The following AVPR2 variants were observed in gnomAD, a reference collection of about 807,000 sequenced individuals.
The protein encoded by AVPR2 is arginine vasopressin receptor 2, also known as vasopressin V2 receptor.
A neutral mutation model predicts 12.0 loss-of-function variants in AVPR2; 3 were observed. The ratio of observed to expected loss-of-function variants is 0.25; its 90% confidence interval spans 0.11 to 0.64. AVPR2 has a LOEUF of 0.64. Ranked by LOEUF, AVPR2 falls within the 30% of genes least tolerant of loss-of-function variation. The pLI is 0.84. For missense variants in AVPR2, 279 were observed against 347.9 expected, an observed-to-expected ratio of 0.80 and a Z score of 1.58; for synonymous variants, 143 against 147.5, an observed-to-expected ratio of 0.97 and a Z score of 0.22.
In AVPR2 at chrX:153,906,347, G is replaced by GCC; in HGVS notation, c.841_842insCC (p.Val281AlafsTer156). ...GACGCTAGTGATTGTGGTCGTCTATGTGCTGTGCTGGGCACCCTTCTTCCT... is the reference window on the plus strand; with the variant it reads ...GACGCTAGTGATTGTGGTCGTCTATGCCTGCTGTGCTGGGCACCCTTCTTCCT... On this transcript the variant is annotated frameshift_variant, in exon 3 of 4. Coordinates refer to ENST00000646375, the MANE Select transcript of AVPR2 (RefSeq NM_000054.7). LOFTEE classifies it high-confidence loss of function. 8.2e-7 allele frequency: 1 copy of GCC among 1,212,124 alleles called. No individual in the cohort carries two copies. Among genetic ancestry groups the GCC allele is most frequent in the Non-Finnish European group, 1.1e-6 (1 of 895,564 alleles).
Position 153,906,808 on chromosome X carries a change from A to AG in AVPR2, c.*85dup. ...GGGGCTGGTCCTGGGAGCCACTGGG[A>AG]GGGGGACCCGTGGAGAATTGGCCAG... On this transcript the variant is annotated 3_prime_UTR_variant, in exon 4 of 4. Transcript: ENST00000646375. 2.0e-6 allele frequency: 2 copies of AG among 1,006,326 alleles called. No individual in the cohort carries two copies. The highest frequency in any genetic ancestry group is 2.8e-6 in the Non-Finnish European group (2 of 724,876). The allele number at this position is 1,006,326 out of a possible 1,213,427, so 82.9% of individuals were successfully genotyped here.
rs1557101340 is a variant in AVPR2 at position 153,907,127 on chromosome X, T to C, written c.*399T>C. 1 of 365,904 alleles carries C rather than the reference T, an allele frequency of 2.7e-6. No individual in the cohort carries two copies. Among genetic ancestry groups the C allele is most frequent in the Admixed American group, 3.0e-5 (1 of 33,368 alleles). 30.2% of individuals were successfully genotyped at this position (365,904 alleles called of 1,213,427 possible). A position where few individuals can be genotyped will look rare whatever the true frequency, so the allele number is the denominator to read the frequency against. On this transcript the variant is annotated 3_prime_UTR_variant, in exon 4 of 4. Coordinates refer to ENST00000646375, the MANE Select transcript of AVPR2 (RefSeq NM_000054.7). ...CTCCGCCTTTCTAATCCCTCCCTCC[T>C]CATTCTCTCCCTAATAAAAATTGGA...
At chrX:153,905,270 T>C in intron 2 of AVPR2, 100 bp downstream of exon 2, 1 of 1,118,080 alleles carries the variant, frequency 8.9e-7, no homozygotes, top group Non-Finnish European at 1.2e-6. Flanking sequence ...CCTCTGGGTG[T>C]GTCTCTCCAG....
chrX:153,903,596 T>C (rs919188923), upstream of AVPR2, among the ~76,000 whole-genome samples: 5 of 110,699 alleles, frequency 4.5e-5, no homozygotes, highest in African/African-American at 1.7e-4. Flanking sequence ...TGCATGTATG[T>C]ATGTGGTGTG....
At chrX:153,905,317 T>A in intron 2 of AVPR2, 147 bp downstream of exon 2, 1 of 958,116 alleles carries the variant, frequency 1.0e-6, no homozygotes. Context: ...CAGCCCCACT[T>A]CCCCGCCAGG....
At position 153,906,274 on chromosome X, in the gene AVPR2, C is replaced by T. The variant is rs372274460; in HGVS notation, c.768C>T (p.Pro256=). 87 of 1,211,009 alleles carry T rather than the reference C, an allele frequency of 7.2e-5. No homozygotes were observed. In the African/African-American group the frequency reaches 9.0e-4, roughly 13 times the overall value. ...GCAGGGGACGCCGGACAGGCAGCCC[C>T]GGTGAGGGAGCCCACGTGTCAGCAG... ...GRRRGRRTGS[P]GEGAHVSAAV... Residue 256 remains proline (P), a synonymous_variant, in exon 3 of 4, where the codon CCC becomes CCT. Coordinates refer to ENST00000646375, the MANE Select transcript of AVPR2 (RefSeq NM_000054.7).
At position 153,905,403 on chromosome X, in the gene AVPR2, A is replaced by T; in HGVS notation, c.26-129A>T. ...GCCTGGGGTGTGTATCCCTCATAACATGGCTTTCCTGGAGTCCCCTCTGCT... is the reference window on the plus strand; with the variant it reads ...GCCTGGGGTGTGTATCCCTCATAACTTGGCTTTCCTGGAGTCCCCTCTGCT... On this transcript the variant is annotated intron_variant, in intron 2 of 3. Transcript: ENST00000646375. 6 of 846,705 alleles carry T rather than the reference A, an allele frequency of 7.1e-6. No individual in the cohort carries two copies. The South Asian group carries it at 1.3e-4, about 19-fold the overall frequency. The allele number at this position is 846,705 out of a possible 1,213,427, so 69.8% of individuals were successfully genotyped here.
upstream of AVPR2, among the ~76,000 whole-genome samples, chrX:153,903,209 G>A (rs1337169573): frequency 3.5e-5 from 4 of 113,032 alleles, no homozygotes; most frequent in Non-Finnish European, 7.5e-5. Flanking sequence ...CCTTTTCTAT[G>A]CTCCTAGATT....
intron 2 of AVPR2, 84 bp downstream of exon 2, chrX:153,905,254 C>T (rs1403402760): frequency 1.7e-6 from 2 of 1,158,502 alleles, no homozygotes; most frequent in Non-Finnish European, 1.2e-6. Context: ...ACCTCCTTCA[C>T]CCTCACCTCT....
Position 153,906,230 on chromosome X carries a change from G to A in AVPR2, c.724G>A (p.Glu242Lys), listed in dbSNP as rs2064964980. 8.3e-7 allele frequency: 1 copy of A among 1,211,230 alleles called. No homozygotes were observed. The change falls in exon 3 of 4, where the codon GAG becomes AAG. Residue 242 changes from glutamate to lysine, a missense_variant. Transcript: ENST00000646375. ...IHASLVPGPS[E>K]RPGGRRRGRR... Reference sequence around the variant, plus strand: ...TGCCAGTCTGGTGCCAGGGCCATCAGAGAGGCCTGGGGGGCGCCGCAGGGG... The same window carrying A: ...TGCCAGTCTGGTGCCAGGGCCATCAAAGAGGCCTGGGGGGCGCCGCAGGGG...
At chrX:153,903,326 A>G (rs2064942659), upstream of AVPR2, among the ~76,000 whole-genome samples, 1 of 70,445 alleles carries the variant, frequency 1.4e-5, no homozygotes, top group South Asian at 6.3e-4. Context: ...CCTGCCCCCA[A>G]GGGGCTCTGC....
chrX:153,904,953 C>T (rs781987761), intron 1 of AVPR2, 21 bp from the exon 2 acceptor site: 4 of 553,928 alleles, frequency 7.2e-6, no homozygotes, highest in Non-Finnish European at 1.2e-5. Flanking sequence ...CTGACCATCC[C>T]TCTCAATCTT....
In AVPR2 at chrX:153,906,718, C is replaced by T; in HGVS notation, c.1106C>T (p.Thr369Ile). ...TTASSSLAKD[T>I]SS ...GCCAGCTCCTCCCTGGCCAAGGACA[C>T]TTCATCGTGAGGAGCTGTTGGGTGT... Residue 369 changes from threonine (T) to isoleucine (I), a missense_variant, in exon 4 of 4, where the codon ACT becomes ATT. Physicochemically the swap from Thr to Ile is moderately conservative, Grantham distance 89. Coordinates refer to ENST00000646375, the MANE Select transcript of AVPR2 (RefSeq NM_000054.7). 1 of 1,210,548 alleles carries T rather than the reference C, an allele frequency of 8.3e-7. No homozygotes were observed. Among genetic ancestry groups the T allele is most frequent in the Non-Finnish European group, 1.1e-6 (1 of 894,221 alleles).
At chrX:153,903,535 T>TGTGGC (rs1234797390), upstream of AVPR2, among the ~76,000 whole-genome samples, 8 of 64,703 alleles carry the variant, frequency 1.2e-4, no homozygotes, top group Non-Finnish European at 2.5e-4. Context: ...GTGTGTGTGG[T>TGTGGC]GTGGCGTATG....
upstream of AVPR2, among the ~76,000 whole-genome samples, chrX:153,904,532 G>A (rs782356791): frequency 7.2e-5 from 8 of 111,702 alleles, no homozygotes; most frequent in South Asian, 1.1e-3. Flanking sequence ...GAGGGTGGGC[G>A]TGGAGGCTAT....
At chrX:153,904,228 C>T (rs1471814741), upstream of AVPR2, among the ~76,000 whole-genome samples, 4 of 111,914 alleles carry the variant, frequency 3.6e-5, no homozygotes, top group African/African-American at 1.3e-4. Context: ...CCTTTCCTGT[C>T]CCTCGTCTCC....
upstream of AVPR2, chrX:153,902,864 A>G (rs1197045721): frequency 3.4e-6 from 1 of 296,602 alleles, no homozygotes; most frequent in Non-Finnish European, 6.7e-6. Flanking sequence ...GAAACTGATA[A>G]GGAGATGGTT....
chrX:153,902,971 C>T, upstream of AVPR2: 2 of 247,716 alleles, frequency 8.1e-6, no homozygotes, highest in South Asian at 8.0e-5. Flanking sequence ...AGTCCCCACC[C>T]CTGCCCATCT....
Position 153,907,075 on chromosome X carries a change from C to T in AVPR2, c.*347C>T, listed in dbSNP as rs1557101320. ...TCCCAGGGGCCTGAAAAGGAAGGAC[C>T]AGGCTGGGGCCAGGGGACCTTCCTG... On this transcript the variant is annotated 3_prime_UTR_variant, in exon 4 of 4. Transcript: ENST00000646375. 4.8e-6 allele frequency: 2 copies of T among 416,042 alleles called. No homozygotes were observed. Among genetic ancestry groups the T allele is most frequent in the African/African-American group, 4.9e-5 (2 of 41,206 alleles). The allele number at this position is 416,042 out of a possible 1,213,427, so 34.3% of individuals were successfully genotyped here.
Sources: allele counts gnomAD v4.1 joint callset (sites outside exome capture counted in the v4.1 genomes callset), GRCh38; gene constraint gnomAD v4.1.1; transcripts MANE v1.5; gene names NCBI Gene and HGNC (gene_info 2026-07-23, HGNC 2026-07-21).